RNF7: variants seen among roughly 807,000 people sequenced by gnomAD.
The protein encoded by RNF7 is RING-box protein 2.
Under a neutral mutation model 17.0 loss-of-function variants are expected in RNF7, and 9 were observed. The observed-to-expected ratio is 0.53, with a 90% CI of 0.32 to 0.92. RNF7 has a LOEUF of 0.92. Ranked by LOEUF, RNF7 falls within the 40% of genes least tolerant of loss-of-function variation. The pLI is 0.04. For synonymous variants in RNF7, 59 were observed against 50.5 expected (o/e 1.17, Z -0.72); for missense variants, 87 against 145.8 (o/e 0.60, Z 2.08).
chr3:141,738,332 C>G lies in RNF7; in HGVS notation c.-10C>G, dbSNP rs1489493780. On this transcript the variant is annotated 5_prime_UTR_variant, in exon 1 of 3. Coordinates refer to ENST00000273480, the MANE Select transcript of RNF7 (RefSeq NM_014245.5). The stretch of plus-strand genomic sequence containing the variant: ...GCCAACGTCTCCGCCGTCGGCTCCG[C>G]GGCGCCGCCATGGCCGACGTGGAAG... 4 of 1,555,322 alleles carry G rather than the reference C, an allele frequency of 2.6e-6. No homozygotes were observed. Among genetic ancestry groups the G allele is most frequent in the Admixed American group, 3.9e-5 (2 of 51,610 alleles).
rs945328806 is a variant in RNF7, at chr3:141,745,697, A to G, written c.*420A>G. 4 of 152,792 alleles carry G rather than the reference A, an allele frequency of 2.6e-5. No homozygotes were observed. Among genetic ancestry groups the G allele is most frequent in the African/African-American group, 9.7e-5 (4 of 41,440 alleles). 9.5% of individuals were successfully genotyped at this position (152,792 alleles called of 1,614,324 possible). On this transcript the variant is annotated 3_prime_UTR_variant, in exon 3 of 3. Coordinates refer to ENST00000273480, the MANE Select transcript of RNF7 (RefSeq NM_014245.5). The stretch of plus-strand genomic sequence containing the variant: ...AGTAACAAATAAAGTGCAGTTTAAA[A>G]CCCAACTCTTACTCTTAATTTGTTC...
At chr3:141,738,740 C>T (rs906474652) in intron 1 of RNF7, among the ~76,000 whole-genome samples, 2 of 152,226 alleles carry the variant, frequency 1.3e-5, no homozygotes, top group African/African-American at 4.8e-5. Flanking sequence ...GCAACAGGCG[C>T]CCTGCGCCGG....
At chr3:141,739,012 C>A (rs1343759714) in intron 1 of RNF7, among the ~76,000 whole-genome samples, 1 of 152,202 alleles carries the variant, frequency 6.6e-6, no homozygotes, top group Non-Finnish European at 1.5e-5. Context: ...TTCCACAAAA[C>A]GACACCCTTA....
intron 2 of RNF7, 25 bp downstream of exon 2, chr3:141,743,581 C>G: frequency 4.5e-6 from 7 of 1,570,668 alleles, no homozygotes; most frequent in Non-Finnish European, 6.1e-6. Context: ...TGTTCTCTTG[C>G]TTTTTCAACT....
At chr3:141,739,108 C>T (rs2084388838) in intron 1 of RNF7, among the ~76,000 whole-genome samples, 1 of 152,198 alleles carries the variant, frequency 6.6e-6, no homozygotes, top group South Asian at 2.1e-4. Context: ...GCTTTTAAAT[C>T]TGGATTGATT....
In RNF7 at chr3:141,738,314, T is replaced by A; in HGVS notation, c.-28T>A. On this transcript the variant is annotated 5_prime_UTR_variant, in exon 1 of 3. Coordinates refer to ENST00000273480, the MANE Select transcript of RNF7 (RefSeq NM_014245.5). ...GCCTTCCGCCTTCCCCAAGCCAACG[T>A]CTCCGCCGTCGGCTCCGCGGCGCCG... The A allele has an allele frequency of 6.8e-7, 1 of 1,460,956 alleles. No individual in the cohort carries two copies. The highest frequency in any genetic ancestry group is 9.2e-7 in the Non-Finnish European group (1 of 1,092,052). 90.5% of individuals were successfully genotyped at this position (1,460,956 alleles called of 1,614,324 possible). A position where few individuals can be genotyped will look rare whatever the true frequency, so the allele number is the denominator to read the frequency against.
intron 1 of RNF7, among the ~76,000 whole-genome samples, chr3:141,738,841 C>T (rs1187091756): frequency 2.0e-5 from 3 of 152,246 alleles, no homozygotes; most frequent in Non-Finnish European, 4.4e-5. Flanking sequence ...GAAAGTAAAA[C>T]CGGGTGATTG....
Position 141,746,956 on chromosome 3 carries a change from T to C in RNF7, c.*1679T>C, listed in dbSNP as rs1238224733. On this transcript the variant is annotated 3_prime_UTR_variant, in exon 3 of 3. Coordinates refer to ENST00000273480, the MANE Select transcript of RNF7 (RefSeq NM_014245.5). ...GTGAACTGTTTTAGTAACTTTCTGT[T>C]TGACCTTTTTAGAAGGTTGCATCCT... 6.6e-6 allele frequency: 1 copy of C among 152,246 alleles called. No homozygotes were observed. Among genetic ancestry groups the C allele is most frequent in the African/African-American group, 2.4e-5 (1 of 41,464 alleles). The allele number at this position is 152,246 out of a possible 1,614,324, so 9.4% of individuals were successfully genotyped here.
At chr3:141,741,787 C>T (rs1419524477) in intron 1 of RNF7, among the ~76,000 whole-genome samples, 1 of 151,088 alleles carries the variant, frequency 6.6e-6, no homozygotes, top group Non-Finnish European at 1.5e-5. Flanking sequence ...TATAAGCTCA[C>T]TGGGCATGCT....
intron 1 of RNF7, among the ~76,000 whole-genome samples, chr3:141,742,398 T>A (rs576518470): frequency 6.6e-6 from 1 of 152,050 alleles, no homozygotes; most frequent in East Asian, 1.9e-4. Context: ...GGCTAATTTT[T>A]TGTATTTTTA....
intron 2 of RNF7, among the ~76,000 whole-genome samples, 179 bp from the exon 3 acceptor site, chr3:141,744,980 T>C (rs1577901153): frequency 6.6e-6 from 1 of 152,228 alleles, no homozygotes; most frequent in African/African-American, 2.4e-5. Flanking sequence ...CAGTGACTTA[T>C]GTCTCTGTGT....
intron 1 of RNF7, among the ~76,000 whole-genome samples, chr3:141,740,306 A>G (rs2107854776): frequency 6.6e-6 from 1 of 152,098 alleles, no homozygotes; most frequent in South Asian, 2.1e-4. Context: ...TTTTCAAAAG[A>G]TTTGTCTCCC....
intron 1 of RNF7, 123 bp downstream of exon 1, chr3:141,738,639 G>C (rs1450195056): frequency 2.8e-6 from 3 of 1,059,968 alleles, no homozygotes; most frequent in Non-Finnish European, 3.9e-6. Context: ...GTGGGTGGAG[G>C]TCGCCCTGCC....
chr3:141,741,934 C>G (rs1490035166), intron 1 of RNF7, among the ~76,000 whole-genome samples: 3 of 151,748 alleles, frequency 2.0e-5, no homozygotes, highest in Admixed American at 1.3e-4. Context: ...AAAGACTTTA[C>G]CATTGTTGGG....
chr3:141,742,800 C>T (rs1442201880), intron 1 of RNF7: 1 of 1,246,434 alleles, frequency 8.0e-7, no homozygotes. Flanking sequence ...CGGTAGCAAC[C>T]TATTGGAAGC....
chr3:141,744,254 G>T (rs2084449414), intron 2 of RNF7, among the ~76,000 whole-genome samples: 1 of 152,088 alleles, frequency 6.6e-6, no homozygotes, highest in Non-Finnish European at 1.5e-5. Flanking sequence ...TTTTGATCCA[G>T]TTCTTCCTCC....
chr3:141,738,436 T>G lies in RNF7; in HGVS notation c.95T>G (p.Leu32Arg). 6.2e-7 allele frequency: 1 copy of G among 1,613,386 alleles called. No individual in the cohort carries two copies. Among genetic ancestry groups the G allele is most frequent in the Non-Finnish European group, 8.5e-7 (1 of 1,179,670 alleles). The part of the protein sequence containing the change: ...SKSGGDKMFS[L>R]KKWNAVAMWS... Reference sequence around the variant, plus strand: ...TCGGGAGGCGACAAGATGTTCTCCCTCAAGAAGTGGAACGCGGTGGCCATG... The same window carrying G: ...TCGGGAGGCGACAAGATGTTCTCCCGCAAGAAGTGGAACGCGGTGGCCATG... Residue 32 changes from leucine (L) to arginine (R), a missense_variant, in exon 1 of 3, where the codon CTC becomes CGC. By Grantham distance (102) the Leu-to-Arg change is moderately radical (BLOSUM62 -2). Transcript: ENST00000273480.
At position 141,746,509 on chromosome 3, in the gene RNF7, A is replaced by C. The variant is rs2084474907; in HGVS notation, c.*1232A>C. On this transcript the variant is annotated 3_prime_UTR_variant, in exon 3 of 3. Transcript: ENST00000273480. ...TTTGCTCTTTCATTTGACAATAATA[A>C]AATTTAAGGTTTATTACCTGGAAAG... The C allele has an allele frequency of 6.6e-6, 1 of 152,226 alleles. No homozygotes were observed. The highest frequency in any genetic ancestry group is 1.5e-5 in the Non-Finnish European group (1 of 68,042). 9.4% of individuals were successfully genotyped at this position (152,226 alleles called of 1,614,324 possible).
chr3:141,743,345 C>T (rs1300044008), intron 1 of RNF7, among the ~76,000 whole-genome samples, 164 bp from the exon 2 acceptor site: 1 of 152,052 alleles, frequency 6.6e-6, no homozygotes, highest in East Asian at 1.9e-4. Flanking sequence ...AGTAGAATGC[C>T]TTGTACTTTA....
Sources: gnomAD v4.1 joint callset for allele counts (sites outside exome capture counted in the v4.1 genomes callset) on GRCh38, gnomAD v4.1.1 for gene constraint, MANE v1.5 for transcripts, NCBI Gene and HGNC (gene_info 2026-07-23, HGNC 2026-07-21) for gene names.